TPH2: variants seen among roughly 807,000 people sequenced by gnomAD.
The protein encoded by TPH2 is tryptophan 5-hydroxylase 2.
In TPH2, 27 loss-of-function variants were observed where a neutral mutation model predicts 59.1. That is an observed-to-expected ratio of 0.46 (90% CI 0.34 to 0.63). The LOEUF is 0.63. Among genes scored for constraint, TPH2 ranks in the 30% least tolerant of loss-of-function variants. The probability of loss-of-function intolerance (pLI) is 0.01; values close to 1 mark genes in which losing one functional copy is unlikely to be tolerated. For synonymous variants in TPH2, 220 were observed against 210.5 expected (o/e 1.05, Z -0.39); for missense variants, 523 against 588.3 (o/e 0.89, Z 1.15).
At chr12:72,027,016 C>T (rs1873588782) in intron 9 of TPH2, among the ~76,000 whole-genome samples, 1 of 150,188 alleles carries the variant, frequency 6.7e-6, no homozygotes, top group Admixed American at 6.6e-5. Context: ...TATTCAGAAT[C>T]TAGGGCCCAA....
Position 71,949,579 on chromosome 12 carries a change from G to T in TPH2, c.541-9G>T, listed in dbSNP as rs1161535116. 2 of 1,610,678 alleles carry T rather than the reference G, an allele frequency of 1.2e-6. No homozygotes were observed. The highest frequency in any genetic ancestry group is 3.3e-5 in the Admixed American group (2 of 59,928). On this transcript the variant is annotated splice_polypyrimidine_tract_variant and intron_variant, in intron 4 of 10. Coordinates refer to ENST00000333850, the MANE Select transcript of TPH2 (RefSeq NM_173353.4). ...TTTGTTAAATAACTTAATCTTTTTT[G>T]TGTTTAAGGGATTTAAGGACAATGT...
chr12:71,996,201 G>A (rs535256610), intron 8 of TPH2, among the ~76,000 whole-genome samples: 1 of 152,298 alleles, frequency 6.6e-6, no homozygotes, highest in South Asian at 2.1e-4. Context: ...GTTCCTCACC[G>A]TGTGGGCCTC....
chr12:72,003,446 A>G (rs1489037786), intron 8 of TPH2, among the ~76,000 whole-genome samples: 5 of 152,218 alleles, frequency 3.3e-5, no homozygotes, highest in African/African-American at 1.2e-4. Flanking sequence ...TGTCTGCTGT[A>G]CATATAGAAG....
At chr12:71,946,882 T>A (rs1361761215) in intron 4 of TPH2, among the ~76,000 whole-genome samples, 1 of 152,114 alleles carries the variant, frequency 6.6e-6, no homozygotes, top group Admixed American at 6.6e-5. Context: ...ATGCAGATAA[T>A]GAGTCTGTAG....
At chr12:72,027,449 G>A (rs1170317224) in intron 9 of TPH2, among the ~76,000 whole-genome samples, 1 of 152,146 alleles carries the variant, frequency 6.6e-6, no homozygotes. Context: ...TTATAGATAT[G>A]ACTATTAGTA....
chr12:71,980,067 G>A (rs1175413959), intron 7 of TPH2, among the ~76,000 whole-genome samples: 1 of 152,162 alleles, frequency 6.6e-6, no homozygotes, highest in African/African-American at 2.4e-5. Context: ...GGAGAGTCCT[G>A]GGTGCTGTTT....
intron 8 of TPH2, among the ~76,000 whole-genome samples, chr12:72,021,854 G>A (rs1873428983): frequency 6.6e-6 from 1 of 152,066 alleles, no homozygotes; most frequent in South Asian, 2.1e-4. Context: ...TTGGTAATTT[G>A]GTAGTCATAT....
At chr12:72,023,781 G>A (rs1357712747) in intron 9 of TPH2, among the ~76,000 whole-genome samples, 2 of 135,988 alleles carry the variant, frequency 1.5e-5, no homozygotes, top group South Asian at 2.3e-4. Context: ...CCGAGATCGC[G>A]CCACTGCATT....
At chr12:71,962,610 A>C in intron 5 of TPH2, 1 of 985,420 alleles carries the variant, frequency 1.0e-6, no homozygotes. Flanking sequence ...CAAGACAAAT[A>C]CATACCTGCC....
At chr12:71,941,477 G>A (rs1406704969) in intron 1 of TPH2, 107 bp from the exon 2 acceptor site, 14 of 1,373,518 alleles carry the variant, frequency 1.0e-5, no homozygotes, top group African/African-American at 1.4e-5. Flanking sequence ...TTGTATGATT[G>A]GTGGAGCTTC....
At chr12:72,025,091 T>A (rs1026592565) in intron 9 of TPH2, among the ~76,000 whole-genome samples, 1 of 152,114 alleles carries the variant, frequency 6.6e-6, no homozygotes, top group Non-Finnish European at 1.5e-5. Flanking sequence ...CACTTCTGAG[T>A]ACTTTTAACC....
intron 5 of TPH2, among the ~76,000 whole-genome samples, 174 bp from the exon 6 acceptor site, chr12:71,972,345 G>A (rs1306998363): frequency 2.0e-5 from 3 of 152,280 alleles, no homozygotes; most frequent in East Asian, 1.9e-4. Context: ...AAATACACAT[G>A]CACAACATTA....
intron 8 of TPH2, among the ~76,000 whole-genome samples, chr12:72,008,096 G>C (rs556017999): frequency 5.9e-5 from 9 of 152,306 alleles, no homozygotes; most frequent in Admixed American, 5.9e-4. Flanking sequence ...TTTATAGCTT[G>C]TGAAGGCAAA....
intron 8 of TPH2, among the ~76,000 whole-genome samples, chr12:72,019,007 A>G (rs1873338495): frequency 2.0e-5 from 3 of 152,178 alleles, no homozygotes; most frequent in Non-Finnish European, 1.5e-5. Context: ...CATCCCAGAT[A>G]CTTCCAAGCC....
At chr12:71,993,300 T>G (rs1292103861) in intron 7 of TPH2, among the ~76,000 whole-genome samples, 2 of 152,358 alleles carry the variant, frequency 1.3e-5, no homozygotes, top group Non-Finnish European at 2.9e-5. Flanking sequence ...GGTATTTGTA[T>G]TCTAGCAGCT....
Position 71,940,011 on chromosome 12 carries a change from A to G in TPH2, c.105+920A>G, listed in dbSNP as rs146718535. Among the ~76,000 whole-genome samples the G allele has an allele frequency of 7.6e-4, 116 of 152,344 alleles. 3 individuals are homozygous for G. The East Asian group carries it at 0.014, about 18-fold the overall frequency. On this transcript the variant is annotated intron_variant, in intron 1 of 10. Transcript: ENST00000333850. ...ATTACTGATAAAAATGTTGAAAAGTAAACATGGCAACTTCTGTAGAATTAT... is the reference window on the plus strand; with the variant it reads ...ATTACTGATAAAAATGTTGAAAAGTGAACATGGCAACTTCTGTAGAATTAT...
intron 5 of TPH2, among the ~76,000 whole-genome samples, chr12:71,969,012 GC>G (rs543134024): frequency 1.3e-3 from 200 of 152,336 alleles, no homozygotes; most frequent in African/African-American, 4.5e-3. Context: ...GCCGGAAGCG[GC>G]TGGCTCACGC....
intron 8 of TPH2, among the ~76,000 whole-genome samples, chr12:72,016,868 T>G (rs1413210785): frequency 6.6e-6 from 1 of 152,118 alleles, no homozygotes; most frequent in Non-Finnish European, 1.5e-5. Flanking sequence ...ATATGTATCA[T>G]TTTAATCTAA....
intron 5 of TPH2, among the ~76,000 whole-genome samples, chr12:71,949,993 C>A (rs1043796589): frequency 6.6e-6 from 1 of 152,078 alleles, no homozygotes; most frequent in Non-Finnish European, 1.5e-5. Flanking sequence ...TCAGTAACCC[C>A]CTTCAGTCTC....
Sources: gnomAD v4.1 joint callset for allele counts (sites outside exome capture counted in the v4.1 genomes callset) on GRCh38, gnomAD v4.1.1 for gene constraint, MANE v1.5 for transcripts, NCBI Gene and HGNC (gene_info 2026-07-23, HGNC 2026-07-21) for gene names.